LRGUK: variants seen among roughly 807,000 people sequenced by gnomAD.
LRGUK encodes the protein leucine rich repeats and guanylate kinase domain containing.
LRGUK carries 65 observed loss-of-function variants against 76.0 expected under a neutral mutation model. The observed-to-expected ratio is 0.85, with a 90% CI of 0.70 to 1.05. The LOEUF (loss-of-function observed/expected upper bound fraction) is 1.05. Among genes scored for constraint, LRGUK ranks in the 50% least tolerant of loss-of-function variants. The pLI, the probability that LRGUK is intolerant of heterozygous loss-of-function variation, is 0.00. For missense variants in LRGUK, 758 were observed against 732.8 expected (o/e 1.03, Z -0.40); for synonymous variants, 268 against 265.6 (o/e 1.01, Z -0.09).
chr7:134,223,100 C>A (rs1319484703), intron 16 of LRGUK, among the ~76,000 whole-genome samples: 1 of 152,156 alleles, frequency 6.6e-6, no homozygotes, highest in Non-Finnish European at 1.5e-5. Context: ...GAAACAGTAT[C>A]TCCCTGCTTC....
At chr7:134,174,441 A>G in intron 7 of LRGUK, 115 bp from the exon 8 acceptor site, 1 of 671,110 alleles carries the variant, frequency 1.5e-6, no homozygotes, top group Non-Finnish European at 2.6e-6. Flanking sequence ...AGCTAGACAG[A>G]GCAATTTTTA....
intron 8 of LRGUK, 143 bp from the exon 9 acceptor site, chr7:134,176,834 G>C (rs1006515366): frequency 1.3e-5 from 7 of 537,126 alleles, no homozygotes; most frequent in Non-Finnish European, 2.3e-5. Flanking sequence ...ACTGGGAAGC[G>C]TGAAATGCAT....
intron 16 of LRGUK, among the ~76,000 whole-genome samples, chr7:134,241,468 A>G (rs1396516090): frequency 2.6e-5 from 4 of 152,274 alleles, no homozygotes; most frequent in Admixed American, 6.5e-5. Context: ...AAGCCATTAC[A>G]TAATGGTAAA....
the LRGUK span, among the ~76,000 whole-genome samples, chr7:134,269,801 G>A: frequency 3.0e-4 from 46 of 152,250 alleles, no homozygotes; most frequent in African/African-American, 9.9e-4. Flanking sequence ...AGGCTGGTGC[G>A]ACAGTTGAAA....
intron 7 of LRGUK, among the ~76,000 whole-genome samples, chr7:134,171,565 T>C (rs1585486100): frequency 6.6e-6 from 1 of 151,630 alleles, no homozygotes; most frequent in Non-Finnish European, 1.5e-5. Context: ...AGGGAAATGG[T>C]AAAAGAAGAA....
At chr7:134,225,161 C>T (rs1286174795) in intron 16 of LRGUK, among the ~76,000 whole-genome samples, 1 of 145,426 alleles carries the variant, frequency 6.9e-6, no homozygotes, top group Admixed American at 6.9e-5. Context: ...CCACTCTGTG[C>T]TCCTAACTGT....
Position 134,179,355 on chromosome 7 carries a change from A to G in LRGUK, c.1214+746A>G, listed in dbSNP as rs142776627. 2.1e-4 allele frequency among the ~76,000 whole-genome samples: 32 copies of G among 152,354 alleles called. 1 individual carries two copies. The East Asian group carries it at 6.2e-3, about 29-fold the overall frequency. The stretch of plus-strand genomic sequence containing the variant: ...ATCAATACCCAAAGGCATTTTAAAA[A>G]TACTTGTAAAATCTCTTGGATATAA... On this transcript the variant is annotated intron_variant, in intron 10 of 15. Coordinates refer to ENST00000645682, the Ensembl canonical transcript of LRGUK.
At chr7:134,176,764 G>A (rs1405626334) in intron 8 of LRGUK, among the ~76,000 whole-genome samples, 3 of 152,176 alleles carry the variant, frequency 2.0e-5, no homozygotes, top group Non-Finnish European at 4.4e-5. Context: ...TAACAAGAGT[G>A]TACACTTGAA....
At chr7:134,167,538 C>T (rs1028709127) in intron 7 of LRGUK, among the ~76,000 whole-genome samples, 1 of 152,136 alleles carries the variant, frequency 6.6e-6, no homozygotes, top group Non-Finnish European at 1.5e-5. Flanking sequence ...GGTTCCACAC[C>T]GTCTGACTTG....
At chr7:134,158,243 A>C in intron 6 of LRGUK, 84 bp downstream of exon 6, 1 of 1,223,184 alleles carries the variant, frequency 8.2e-7, no homozygotes, top group South Asian at 1.7e-5. Flanking sequence ...CTTAGGATTC[A>C]AATATATAAA....
chr7:134,165,448 C>T (rs1177901994), intron 7 of LRGUK, among the ~76,000 whole-genome samples: 1 of 152,160 alleles, frequency 6.6e-6, no homozygotes, highest in Non-Finnish European at 1.5e-5. Context: ...TCTGAAAGGG[C>T]CTGTTGTAAT....
At chr7:134,253,651 C>G (rs1366564260) in intron 18 of LRGUK, among the ~76,000 whole-genome samples, 1 of 152,108 alleles carries the variant, frequency 6.6e-6, no homozygotes. Context: ...CCCATCTCTA[C>G]TAAAAATACA....
intron 15 of LRGUK, chr7:134,208,655 A>T: frequency 2.5e-6 from 1 of 398,268 alleles, no homozygotes; most frequent in East Asian, 3.6e-5. Flanking sequence ...ATTAATTTCT[A>T]AGCAGTTAGT....
chr7:134,220,656 C>T (rs1337546505), intron 15 of LRGUK, among the ~76,000 whole-genome samples: 1 of 151,644 alleles, frequency 6.6e-6, no homozygotes, highest in Non-Finnish European at 1.5e-5. Context: ...GCAGCCTCTA[C>T]CTCCTGATCT....
At chr7:134,148,407 G>C in intron 5 of LRGUK, 88 bp downstream of exon 5, 1 of 742,888 alleles carries the variant, frequency 1.3e-6, no homozygotes, top group Non-Finnish European at 2.2e-6. Flanking sequence ...AGATTACATG[G>C]ACTAGTACCA....
rs188028215 is a variant in LRGUK, at chr7:134,199,392, C to T, written c.1718C>T (p.Pro573Leu). ...TATATTAAAATTAATCAGAATTTTC[C>T]GGGATATTTTGATGAGGTAATCAAT... The change falls in exon 14 of 16, where the codon CCG becomes CTG. Residue 573 changes from proline to leucine, a missense_variant. Coordinates refer to ENST00000645682, the Ensembl canonical transcript of LRGUK. 7.2e-5 allele frequency: 116 copies of T among 1,613,362 alleles called. 1 individual carries two copies. Among genetic ancestry groups the T allele is most frequent in the African/African-American group, 5.7e-4 (43 of 74,970 alleles).
intron 7 of LRGUK, among the ~76,000 whole-genome samples, chr7:134,164,831 G>C (rs987768565): frequency 2.0e-5 from 3 of 152,182 alleles, no homozygotes; most frequent in African/African-American, 7.2e-5. Flanking sequence ...GAACAGAGGA[G>C]TTTTCAATCA....
intron 19 of LRGUK, 50 bp from the exon 20 acceptor site, chr7:134,263,795 G>T: frequency 6.5e-7 from 1 of 1,542,604 alleles, no homozygotes; most frequent in African/African-American, 1.4e-5. Context: ...TATTCTCTTT[G>T]TACCAAGAAA....
chr7:134,266,971 G>T (rs1802867906), downstream of LRGUK, among the ~76,000 whole-genome samples: 1 of 152,130 alleles, frequency 6.6e-6, no homozygotes, highest in Non-Finnish European at 1.5e-5. Context: ...CATGGAAGTG[G>T]TATATTTTGA....
Sources: gnomAD v4.1 joint callset for allele counts (sites outside exome capture counted in the v4.1 genomes callset) on GRCh38, gnomAD v4.1.1 for gene constraint, MANE v1.5 for transcripts, NCBI Gene and HGNC (gene_info 2026-07-23, HGNC 2026-07-21) for gene names.